Variants in ADD3 observed in about 807,000 individuals in gnomAD.
ADD3 encodes adducin 3.
ADD3 carries 25 observed loss-of-function variants against 80.2 expected under a neutral mutation model. The observed-to-expected ratio is 0.31, with a 90% CI of 0.23 to 0.44. The LOEUF (loss-of-function observed/expected upper bound fraction) is 0.44. Among genes scored for constraint, ADD3 ranks in the 20% least tolerant of loss-of-function variants. The pLI, the probability that ADD3 is intolerant of heterozygous loss-of-function variation, is 1.00. For synonymous variants in ADD3, 284 were observed against 289.6 expected (o/e 0.98, Z 0.20); for missense variants, 829 against 847.5 (o/e 0.98, Z 0.27).
chr10:110,131,388 T>C (rs761201800), intron 13 of ADD3, among the ~76,000 whole-genome samples: 97 of 152,204 alleles, frequency 6.4e-4, no homozygotes, highest in Non-Finnish European at 9.7e-4. Context: ...ACATGCTTTA[T>C]TGTTTAAGGT....
At position 110,135,277 on chromosome 10, in the gene ADD3, T is replaced by C. The variant is rs1039379941; in HGVS notation, c.*1659T>C. 1.3e-5 allele frequency: 2 copies of C among 152,662 alleles called. No homozygotes were observed. Among genetic ancestry groups the C allele is most frequent in the Admixed American group, 6.5e-5 (1 of 15,286 alleles). The allele number at this position is 152,662 out of a possible 1,614,324, so 9.5% of individuals were successfully genotyped here. On this transcript the variant is annotated 3_prime_UTR_variant, in exon 15 of 15. Coordinates refer to ENST00000356080, the MANE Select transcript of ADD3 (RefSeq NM_016824.5). ...AAGATTTTTTTAATGTTCTACATCA[T>C]TTATGTTGTATTACAATGTATGTAG...
chr10:110,048,629 T>G (rs1326954794), intron 1 of ADD3, among the ~76,000 whole-genome samples: 1 of 152,224 alleles, frequency 6.6e-6, no homozygotes, highest in African/African-American at 2.4e-5. Context: ...GCCAGCATTT[T>G]GCCCCTGCCC....
chr10:110,061,137 A>G (rs1419424496), intron 1 of ADD3, among the ~76,000 whole-genome samples: 1 of 152,204 alleles, frequency 6.6e-6, no homozygotes, highest in Non-Finnish European at 1.5e-5. Context: ...AAGATGAGAA[A>G]GAGGTAAGCC....
In ADD3 at chr10:110,086,478, A is replaced by T. The variant is rs1427421859; in HGVS notation, c.-29-14147A>T. Among the ~76,000 whole-genome samples, 8 of 152,126 alleles carry T rather than the reference A, an allele frequency of 5.3e-5. No homozygotes were observed. The East Asian group carries it at 1.5e-3, about 29-fold the overall frequency. On this transcript the variant is annotated intron_variant, in intron 1 of 14. Coordinates refer to ENST00000356080, the MANE Select transcript of ADD3 (RefSeq NM_016824.5). ...GTGTCCCCACGCAAATCTCATATTAAATTGTGATTCCAAGTATTGGAGGTG... is the reference window on the plus strand; with the variant it reads ...GTGTCCCCACGCAAATCTCATATTATATTGTGATTCCAAGTATTGGAGGTG...
chr10:110,054,166 G>T (rs1486892479), intron 1 of ADD3, among the ~76,000 whole-genome samples: 1 of 152,136 alleles, frequency 6.6e-6, no homozygotes, highest in Non-Finnish European at 1.5e-5. Context: ...TGTGAAAGAT[G>T]TACCTGACTT....
chr10:110,132,177 T>C (rs749374368), intron 13 of ADD3, 128 bp from the exon 14 acceptor site: 1 of 623,608 alleles, frequency 1.6e-6, no homozygotes, highest in Non-Finnish European at 2.8e-6. Context: ...GTTAGCATGC[T>C]CAGCTCACTG....
At chr10:110,086,437 G>C (rs995145750) in intron 1 of ADD3, among the ~76,000 whole-genome samples, 1 of 152,050 alleles carries the variant, frequency 6.6e-6, no homozygotes, top group Non-Finnish European at 1.5e-5. Flanking sequence ...AAACAGGCTT[G>C]ATATGGTTTG....
chr10:110,063,753 A>ATATATATATATATATG (rs1436271756), intron 1 of ADD3, among the ~76,000 whole-genome samples: 1 of 55,632 alleles, frequency 1.8e-5, no homozygotes, highest in East Asian at 1.3e-3. Context: ...ATATATATAT[A>ATATATATATATATATG]TATATATATA....
chr10:110,018,887 C>G (rs1274956738), intron 1 of ADD3, among the ~76,000 whole-genome samples: 1 of 152,118 alleles, frequency 6.6e-6, no homozygotes, highest in African/African-American at 2.4e-5. Context: ...TAACAGTGCT[C>G]CCTCTTAACT....
chr10:110,096,782 C>G (rs1848219977), intron 1 of ADD3, among the ~76,000 whole-genome samples: 1 of 152,162 alleles, frequency 6.6e-6, no homozygotes, highest in Non-Finnish European at 1.5e-5. Flanking sequence ...AAAATAGTCT[C>G]TACTTCTTAG....
At chr10:110,127,257 T>TG (rs1852290857) in intron 12 of ADD3, among the ~76,000 whole-genome samples, 1 of 152,238 alleles carries the variant, frequency 6.6e-6, no homozygotes, top group Non-Finnish European at 1.5e-5. Context: ...ACTCTCACCT[T>TG]GCCTTTTTTT....
At chr10:110,009,967 TAGA>T (rs1401335237) in intron 1 of ADD3, among the ~76,000 whole-genome samples, 3 of 152,240 alleles carry the variant, frequency 2.0e-5, no homozygotes, top group African/African-American at 7.2e-5. Flanking sequence ...TTTTGCATGA[TAGA>T]AGGATAGTAT....
intron 1 of ADD3, among the ~76,000 whole-genome samples, chr10:110,068,986 A>G (rs900120095): frequency 6.6e-6 from 1 of 151,942 alleles, no homozygotes; most frequent in African/African-American, 2.4e-5. Flanking sequence ...CTGAGCTGGG[A>G]GGATTATTTG....
chr10:110,058,967 T>C (rs1564906748), intron 1 of ADD3, among the ~76,000 whole-genome samples: 1 of 152,200 alleles, frequency 6.6e-6, no homozygotes, highest in African/African-American at 2.4e-5. Flanking sequence ...TTTAAAATTA[T>C]AGTTTATAAG....
intron 1 of ADD3, among the ~76,000 whole-genome samples, chr10:110,040,079 C>T (rs1304776219): frequency 1.3e-5 from 2 of 152,214 alleles, no homozygotes; most frequent in Non-Finnish European, 2.9e-5. Context: ...AGGGACTACA[C>T]ATGGTTGTGA....
At chr10:110,130,246 G>A (rs1481571654) in intron 12 of ADD3, 117 bp from the exon 13 acceptor site, 1 of 1,051,326 alleles carries the variant, frequency 9.5e-7, no homozygotes, top group Non-Finnish European at 1.4e-6. Flanking sequence ...TAGGATTGTT[G>A]TGAAATAAGG....
intron 1 of ADD3, among the ~76,000 whole-genome samples, chr10:109,997,116 T>C (rs1236849748): frequency 2.0e-5 from 3 of 152,202 alleles, no homozygotes; most frequent in South Asian, 2.1e-4. Flanking sequence ...AGCTGAAGAA[T>C]AGGGTCTTGT....
intron 1 of ADD3, among the ~76,000 whole-genome samples, chr10:110,011,941 G>C (rs2132966868): frequency 6.6e-6 from 1 of 152,306 alleles, no homozygotes; most frequent in Non-Finnish European, 1.5e-5. Context: ...ATTTTTTACT[G>C]TAATGGGTTG....
chr10:110,052,641 G>C (rs1340925112), intron 1 of ADD3, among the ~76,000 whole-genome samples: 1 of 152,100 alleles, frequency 6.6e-6, no homozygotes, highest in African/African-American at 2.4e-5. Context: ...AAATGTTTAG[G>C]GTAAAACAGC....
Sources: allele counts gnomAD v4.1 joint callset (sites outside exome capture counted in the v4.1 genomes callset), GRCh38; gene constraint gnomAD v4.1.1; transcripts MANE v1.5; gene names NCBI Gene and HGNC (gene_info 2026-07-23, HGNC 2026-07-21).